The following FSTL4 variants were observed in gnomAD, a reference collection of about 807,000 sequenced individuals.
FSTL4 encodes follistatin like 4.
A neutral mutation model predicts 78.2 loss-of-function variants in FSTL4; 28 were observed. The observed-to-expected ratio is 0.36, with a 90% confidence interval of 0.27 to 0.49. FSTL4 has a LOEUF of 0.49. Ranked by LOEUF, FSTL4 falls within the 20% of genes least tolerant of loss-of-function variation. The pLI is 0.98. For missense variants in FSTL4, 922 were observed against 1,084.9 expected, an observed-to-expected ratio of 0.85 and a Z score of 2.11; for synonymous variants, 422 against 440.5, an observed-to-expected ratio of 0.96 and a Z score of 0.53.
chr5:133,295,526 C>G (rs1056072146), intron 6 of FSTL4, among the ~76,000 whole-genome samples: 1 of 152,172 alleles, frequency 6.6e-6, no homozygotes, highest in Non-Finnish European at 1.5e-5. Context: ...TGCAAAACTC[C>G]TCAGAAGATT....
In FSTL4 at chr5:133,319,932, C is replaced by T. The variant is rs548603311; in HGVS notation, c.410-3280G>A. ...GTGCCCGACAGCACTGGGGAAGGGCCATGGACCCTGGAGGAAAGGCAGCCT... is the reference window on the plus strand; with the variant it reads ...GTGCCCGACAGCACTGGGGAAGGGCTATGGACCCTGGAGGAAAGGCAGCCT... On this transcript the variant is annotated intron_variant, in intron 4 of 15. Coordinates refer to ENST00000265342, the MANE Select transcript of FSTL4 (RefSeq NM_015082.2). Among the ~76,000 whole-genome samples the T allele has an allele frequency of 5.3e-5, 8 of 152,322 alleles. No individual in the cohort carries two copies. In the East Asian group the frequency reaches 1.3e-3, roughly 26 times the overall value.
At chr5:133,475,359 C>T (rs1438620329) in intron 3 of FSTL4, among the ~76,000 whole-genome samples, 4 of 152,152 alleles carry the variant, frequency 2.6e-5, no homozygotes, top group Admixed American at 6.5e-5. Context: ...TTCACAAAGG[C>T]GGCGTCCGAC....
the FSTL4 span, among the ~76,000 whole-genome samples, chr5:133,812,079 C>T: frequency 6.6e-6 from 1 of 152,154 alleles, no homozygotes; most frequent in Non-Finnish European, 1.5e-5. Context: ...AGGCATCGTC[C>T]ATATGCCTCT....
chr5:133,420,320 A>G (rs153195), intron 3 of FSTL4, among the ~76,000 whole-genome samples: 104,668 of 152,140 alleles, frequency 0.69, 36,027 homozygotes, highest in Middle Eastern at 0.76. Context: ...GAGTGATGGT[A>G]TATACATGTG....
intron 6 of FSTL4, among the ~76,000 whole-genome samples, chr5:133,269,184 C>CCA (rs1752709903): frequency 1.7e-5 from 1 of 58,990 alleles, no homozygotes; most frequent in Admixed American, 1.8e-4. Flanking sequence ...GACTCCATCT[C>CCA]AAAAAAAAAA....
intron 14 of FSTL4, among the ~76,000 whole-genome samples, chr5:133,206,424 C>T (rs779619163): frequency 3.9e-5 from 6 of 152,136 alleles, no homozygotes; most frequent in African/African-American, 1.2e-4. Context: ...GACACGATCT[C>T]GGCTCACTGC....
At chr5:133,719,368 C>A in the FSTL4 span, among the ~76,000 whole-genome samples, 4 of 151,926 alleles carry the variant, frequency 2.6e-5, no homozygotes, top group Admixed American at 2.6e-4. Flanking sequence ...AATAATAATA[C>A]ATTATAAAAG....
intron 8 of FSTL4, among the ~76,000 whole-genome samples, chr5:133,232,759 T>G (rs1346281020): frequency 1.3e-5 from 2 of 152,044 alleles, no homozygotes; most frequent in Non-Finnish European, 2.9e-5. Flanking sequence ...GATGGGAAGG[T>G]CCATGTGAAG....
At chr5:133,303,295 G>C (rs752663778) in intron 6 of FSTL4, among the ~76,000 whole-genome samples, 1 of 152,208 alleles carries the variant, frequency 6.6e-6, no homozygotes, top group Non-Finnish European at 1.5e-5. Context: ...GAAGGGCCAC[G>C]ATAAGTAGGG....
At chr5:133,758,412 C>A in the FSTL4 span, among the ~76,000 whole-genome samples, 3 of 152,200 alleles carry the variant, frequency 2.0e-5, no homozygotes, top group East Asian at 5.8e-4. Context: ...TGGGGAAGGG[C>A]AAGACCTAAA....
At position 133,440,730 on chromosome 5, in the gene FSTL4, C is replaced by T. The variant is rs1171360444; in HGVS notation, c.161-39744G>A. Reference sequence around the variant, plus strand: ...AGAAGACAGTGGAGACTGCAAGAGGCCTAGCCCAGACACAGCGTGGAAGAC... The same window carrying T: ...AGAAGACAGTGGAGACTGCAAGAGGTCTAGCCCAGACACAGCGTGGAAGAC... On this transcript the variant is annotated intron_variant, in intron 3 of 15. Transcript: ENST00000265342. This position sits in a 1 kb window ranked among gnomAD's most constrained non-coding sequence, Gnocchi z 4.1. Among the ~76,000 whole-genome samples, 1 of 152,174 alleles carries T rather than the reference C, an allele frequency of 6.6e-6. No individual in the cohort carries two copies. Among genetic ancestry groups the T allele is most frequent in the Non-Finnish European group, 1.5e-5 (1 of 68,032 alleles).
intron 4 of FSTL4, among the ~76,000 whole-genome samples, chr5:133,386,971 G>A (rs946654548): frequency 3.3e-5 from 5 of 152,182 alleles, no homozygotes; most frequent in Admixed American, 6.5e-5. Context: ...TGATGTCTGC[G>A]GTAACTCTAA....
At chr5:133,362,996 T>C (rs1481142631) in intron 4 of FSTL4, among the ~76,000 whole-genome samples, 1 of 152,196 alleles carries the variant, frequency 6.6e-6, no homozygotes, top group Non-Finnish European at 1.5e-5. Context: ...CTGTCTCCTA[T>C]AGCTGTCAGC....
intron 3 of FSTL4, among the ~76,000 whole-genome samples, chr5:133,545,041 T>C (rs1327605150): frequency 6.6e-6 from 1 of 152,192 alleles, no homozygotes; most frequent in African/African-American, 2.4e-5. Context: ...GTATCTTTAT[T>C]ATTTATCACA....
the FSTL4 span, among the ~76,000 whole-genome samples, chr5:133,637,119 T>G: frequency 2.6e-5 from 4 of 152,104 alleles, no homozygotes; most frequent in Non-Finnish European, 5.9e-5. Context: ...AATGACAACA[T>G]GAAACCCAGG....
chr5:133,481,891 A>C (rs1758036208), intron 3 of FSTL4, among the ~76,000 whole-genome samples: 1 of 152,246 alleles, frequency 6.6e-6, no homozygotes, highest in African/African-American at 2.4e-5. Flanking sequence ...GTGCCATCTA[A>C]GGCATTCATA....
At chr5:133,710,543 G>A in the FSTL4 span, among the ~76,000 whole-genome samples, 2 of 152,156 alleles carry the variant, frequency 1.3e-5, no homozygotes, top group African/African-American at 4.8e-5. Flanking sequence ...GTTTCATGGG[G>A]CACAAACCCA....
the FSTL4 span, among the ~76,000 whole-genome samples, chr5:133,788,395 C>G: frequency 6.6e-6 from 1 of 152,218 alleles, no homozygotes; most frequent in Non-Finnish European, 1.5e-5. Flanking sequence ...AATAGTAGTA[C>G]CTCCCTGCAA....
At chr5:133,564,849 C>T (rs1759993295) in intron 3 of FSTL4, among the ~76,000 whole-genome samples, 1 of 152,196 alleles carries the variant, frequency 6.6e-6, no homozygotes, top group African/African-American at 2.4e-5. Flanking sequence ...CGCTAGTTCC[C>T]ACTATGATTT....
Sources: allele counts gnomAD v4.1 joint callset (sites outside exome capture counted in the v4.1 genomes callset), GRCh38; gene constraint gnomAD v4.1.1; non-coding constraint Gnocchi (gnomAD v3.1); transcripts MANE v1.5; gene names NCBI Gene and HGNC (gene_info 2026-07-23, HGNC 2026-07-21).